The following TRIM5 variants were observed in gnomAD, a reference collection of about 807,000 sequenced individuals.
TRIM5 encodes the protein tripartite motif containing 5, also known as tripartite motif-containing protein 5.
Under a neutral mutation model 35.6 loss-of-function variants are expected in TRIM5, and 31 were observed. The ratio of observed to expected loss-of-function variants is 0.87; its 90% CI spans 0.65 to 1.18. The LOEUF (loss-of-function observed/expected upper bound fraction) is 1.18. TRIM5 is among the 50% of genes most tolerant of loss of function. The probability of loss-of-function intolerance (pLI) is 0.00; values close to 1 mark genes in which losing one functional copy is unlikely to be tolerated. For synonymous variants in TRIM5, 243 were observed against 215.6 expected (o/e 1.13, Z -1.11); for missense variants, 609 against 591.6 (o/e 1.03, Z -0.31).
At chr11:5,638,865 G>A in the TRIM5 span, among the ~76,000 whole-genome samples, 2 of 152,160 alleles carry the variant, frequency 1.3e-5, no homozygotes, top group Non-Finnish European at 2.9e-5. Flanking sequence ...CTGGTTACAG[G>A]GAGAAGGTCA....
At position 5,663,395 on chromosome 11, in the gene TRIM5, T is replaced by C. The variant is rs57911845; in HGVS notation, c.*1414A>G. 1,285 of 980,122 alleles carry C rather than the reference T, an allele frequency of 1.3e-3. 2 individuals are homozygous for C. The highest frequency in any genetic ancestry group is 1.8e-3 in the Admixed American group (29 of 16,280). 60.7% of individuals were successfully genotyped at this position (980,122 alleles called of 1,614,324 possible). The stretch of plus-strand genomic sequence containing the variant: ...TGTGTATTATATATAGAAGGCAGAA[T>C]TGAAGTCATTTTGACAGTAGTATCT... On this transcript the variant is annotated 3_prime_UTR_variant, in exon 8 of 8. Coordinates refer to ENST00000380034, the MANE Select transcript of TRIM5 (RefSeq NM_033034.3).
chr11:5,611,272 CT>C, the TRIM5 span: 1 of 1,614,112 alleles, frequency 6.2e-7, no homozygotes, highest in Admixed American at 1.7e-5. Context: ...TACTTTCCCA[CT>C]ACTCTTTGTC....
chr11:5,652,715 A>T, the TRIM5 span, among the ~76,000 whole-genome samples: 1 of 152,110 alleles, frequency 6.6e-6, no homozygotes, highest in Non-Finnish European at 1.5e-5. Context: ...TGTCCTTGGT[A>T]GTTTGATAGG....
the TRIM5 span, among the ~76,000 whole-genome samples, chr11:5,627,475 G>A: frequency 6.6e-6 from 1 of 152,162 alleles, no homozygotes; most frequent in Non-Finnish European, 1.5e-5. Flanking sequence ...TGGCAGTTGA[G>A]GTGGTTGGAA....
At chr11:5,595,749 G>A in the TRIM5 span, among the ~76,000 whole-genome samples, 2 of 146,572 alleles carry the variant, frequency 1.4e-5, no homozygotes, top group African/African-American at 5.0e-5. Context: ...AGAGAGTCTC[G>A]CTCTGTCTCC....
chr11:5,610,301 T>TA, the TRIM5 span: 374 of 1,610,816 alleles, frequency 2.3e-4, 1 homozygote, highest in African/African-American at 3.3e-3. Flanking sequence ...TGGGAAGAAA[T>TA]AAACGGGATA....
At chr11:5,660,078 G>A (rs1850762647), downstream of TRIM5, among the ~76,000 whole-genome samples, 1 of 152,088 alleles carries the variant, frequency 6.6e-6, no homozygotes, top group African/African-American at 2.4e-5. Flanking sequence ...CTGGGTTCAA[G>A]CGATTCTCCT....
At chr11:5,678,474 C>G in intron 3 of TRIM5, 40 bp from the exon 4 acceptor site, 1 of 1,448,778 alleles carries the variant, frequency 6.9e-7, no homozygotes, top group Non-Finnish European at 9.2e-7. Flanking sequence ...CTCAGTCTAC[C>G]AGGCAGAGGC....
At chr11:5,633,306 G>A in the TRIM5 span, among the ~76,000 whole-genome samples, 2,942 of 151,926 alleles carry the variant, frequency 0.019, 92 homozygotes, top group African/African-American at 0.068. Flanking sequence ...CTTTCACACT[G>A]TGCTCAGCTT....
chr11:5,602,908 T>C, the TRIM5 span, among the ~76,000 whole-genome samples: 1 of 151,858 alleles, frequency 6.6e-6, no homozygotes. Context: ...GAGCTGAGAT[T>C]GTACCACTGC....
the TRIM5 span, among the ~76,000 whole-genome samples, chr11:5,637,581 AT>A: frequency 2.6e-5 from 4 of 152,018 alleles, no homozygotes; most frequent in African/African-American, 9.7e-5. Flanking sequence ...ATTATTTAAA[AT>A]TTTTTTTCCA....
intron 1 of TRIM5, among the ~76,000 whole-genome samples, chr11:5,681,084 G>T (rs1852403313): frequency 2.0e-5 from 3 of 152,204 alleles, no homozygotes; most frequent in Admixed American, 2.0e-4. Flanking sequence ...GAGCCTAAAG[G>T]TGTAGACATG....
chr11:5,662,649 A>T (rs1850869625), downstream of TRIM5, among the ~76,000 whole-genome samples: 1 of 152,260 alleles, frequency 6.6e-6, no homozygotes, highest in Non-Finnish European at 1.5e-5. Flanking sequence ...TGAAATTAAG[A>T]ACAAAGATTT....
chr11:5,679,635 A>G, intron 2 of TRIM5, 126 bp downstream of exon 2: 5 of 1,027,586 alleles, frequency 4.9e-6, no homozygotes, highest in Non-Finnish European at 6.9e-6. Context: ...AGTTAAGCAT[A>G]GCATGAAAAA....
At chr11:5,588,891 C>T in the TRIM5 span, 5 of 151,522 alleles carry the variant, frequency 3.3e-5, no homozygotes, top group Non-Finnish European at 5.9e-5. Flanking sequence ...TCAAGTGATT[C>T]TCCTGCCTCA....
rs1852304852 is a variant in TRIM5, at chr11:5,679,985, C to T, written c.193G>A (p.Glu65Lys). ...ACATGCCGATTAGGCCGTATGTTCT[C>T]AGGCTGGTAACTGATCCGGCACACA... The part of the protein sequence containing the change: ...CPVCRISYQP[E>K]NIRPNRHVAN... Residue 65 changes from glutamate (E) to lysine (K), a missense_variant, in exon 2 of 8, where the codon GAG becomes AAG. Coordinates refer to ENST00000380034, the MANE Select transcript of TRIM5 (RefSeq NM_033034.3). The T allele has an allele frequency of 6.2e-7, 1 of 1,614,120 alleles. No individual in the cohort carries two copies. The highest frequency in any genetic ancestry group is 8.5e-7 in the Non-Finnish European group (1 of 1,179,984).
At chr11:5,666,122 ACCTTGTGTCCGTGG>A in intron 5 of TRIM5, 41 bp from the exon 6 acceptor site, 1 of 1,532,850 alleles carries the variant, frequency 6.5e-7, no homozygotes, top group Non-Finnish European at 8.8e-7. Context: ...CAAACCTTTG[ACCTTGTGTCCGTGG>A]AACACCCCTG....
chr11:5,592,051 A>G, the TRIM5 span, among the ~76,000 whole-genome samples: 1 of 152,182 alleles, frequency 6.6e-6, no homozygotes, highest in African/African-American at 2.4e-5. Context: ...ATCTATAGTT[A>G]ATGTTAGGAC....
At chr11:5,661,041 C>CAAAAAAAAAAAAAAAAAAAAAAAAA (rs61394016), downstream of TRIM5, among the ~76,000 whole-genome samples, 1 of 37,142 alleles carries the variant, frequency 2.7e-5, no homozygotes, top group Non-Finnish European at 4.3e-5. Context: ...GACTCCGTCT[C>CAAAAAAAAAAAAAAAAAAAAAAAAA]AAAAAAAAAA....
Sources: allele counts gnomAD v4.1 joint callset (sites outside exome capture counted in the v4.1 genomes callset), GRCh38; gene constraint gnomAD v4.1.1; transcripts MANE v1.5; gene names NCBI Gene and HGNC (gene_info 2026-07-23, HGNC 2026-07-21).